The following CLDN10 variants were observed in gnomAD, a reference collection of about 807,000 sequenced individuals.
CLDN10 encodes the protein claudin-10.
Under a neutral mutation model 22.9 loss-of-function variants are expected in CLDN10, and 15 were observed. The observed-to-expected ratio is 0.65, with a 90% CI of 0.44 to 1.01. The LOEUF (loss-of-function observed/expected upper bound fraction) is 1.01, where lower values mean the gene tolerates loss of function less well. CLDN10 is among the 50% of genes least tolerant of loss of function. The pLI, the probability that CLDN10 is intolerant of heterozygous loss-of-function variation, is 0.00. For synonymous variants in CLDN10, 114 were observed against 111.4 expected (o/e 1.02, Z -0.15); for missense variants, 247 against 287.8 (o/e 0.86, Z 1.03).
chr13:95,450,675 A>G (rs922139892), intron 1 of CLDN10, among the ~76,000 whole-genome samples: 5 of 152,174 alleles, frequency 3.3e-5, no homozygotes, highest in Admixed American at 6.5e-5. Context: ...CGCCCAGCCA[A>G]TGCAAAGTCC....
At chr13:95,501,043 A>G (rs9524987) in intron 1 of CLDN10, among the ~76,000 whole-genome samples, 1 of 151,658 alleles carries the variant, frequency 6.6e-6, no homozygotes, top group African/African-American at 2.4e-5. Context: ...TTTACAGAGT[A>G]TTACTCTGTC....
At chr13:95,544,823 C>T (rs548524567) in intron 1 of CLDN10, among the ~76,000 whole-genome samples, 1 of 151,900 alleles carries the variant, frequency 6.6e-6, no homozygotes, top group South Asian at 2.1e-4. Context: ...TCTGCCCAAG[C>T]TGGAGTGCAG....
chr13:95,505,345 A>G (rs1252669136), intron 1 of CLDN10, among the ~76,000 whole-genome samples: 4 of 152,206 alleles, frequency 2.6e-5, no homozygotes, highest in Non-Finnish European at 5.9e-5. Flanking sequence ...TTGCAGCCCC[A>G]TTGTTTACCC....
intron 1 of CLDN10, among the ~76,000 whole-genome samples, chr13:95,504,747 G>A (rs967133416): frequency 7.3e-5 from 11 of 151,440 alleles, no homozygotes; most frequent in African/African-American, 1.7e-4. Flanking sequence ...TATGTTGCCC[G>A]GGATGGTCTC....
At chr13:95,543,011 C>T (rs2043474783) in intron 1 of CLDN10, among the ~76,000 whole-genome samples, 2 of 152,006 alleles carry the variant, frequency 1.3e-5, no homozygotes, top group Admixed American at 1.3e-4. Flanking sequence ...GCAGGTGGAT[C>T]ACCTGAGGTC....
chr13:95,518,849 G>C (rs1185637779), intron 1 of CLDN10, among the ~76,000 whole-genome samples: 1 of 152,188 alleles, frequency 6.6e-6, no homozygotes. Context: ...TTGCAACATG[G>C]ACCCTAGGTA....
At chr13:95,479,792 G>A (rs1375556568) in intron 1 of CLDN10, 1 of 152,180 alleles carries the variant, frequency 6.6e-6, no homozygotes, top group Non-Finnish European at 1.5e-5. Flanking sequence ...AACCCACATT[G>A]GCTGGACAGC....
At chr13:95,496,370 T>TTG (rs1365564371) in intron 1 of CLDN10, among the ~76,000 whole-genome samples, 1 of 152,210 alleles carries the variant, frequency 6.6e-6, no homozygotes, top group Non-Finnish European at 1.5e-5. Context: ...CTGCAGGACT[T>TTG]TTCAGAGTCT....
chr13:95,505,218 T>A (rs1370723008), intron 1 of CLDN10, among the ~76,000 whole-genome samples: 1 of 152,196 alleles, frequency 6.6e-6, no homozygotes, highest in Non-Finnish European at 1.5e-5. Flanking sequence ...TGGTATCAGG[T>A]TCTGAGCGTC....
At chr13:95,573,034 G>T (rs916399166) in intron 3 of CLDN10, among the ~76,000 whole-genome samples, 1 of 152,194 alleles carries the variant, frequency 6.6e-6, no homozygotes, top group Non-Finnish European at 1.5e-5. Context: ...TGTAGCCCTG[G>T]CCAGCTCAAC....
chr13:95,542,927 G>A (rs941246437), intron 1 of CLDN10, among the ~76,000 whole-genome samples: 1 of 152,068 alleles, frequency 6.6e-6, no homozygotes, highest in Admixed American at 6.6e-5. Context: ...CAGTATATAT[G>A]GAGATGTAAA....
chr13:95,465,612 G>A (rs190793569), intron 1 of CLDN10, among the ~76,000 whole-genome samples: 6 of 152,298 alleles, frequency 3.9e-5, no homozygotes, highest in Non-Finnish European at 8.8e-5. Context: ...CGGCAAAGGA[G>A]AAATACACAC....
At chr13:95,478,843 C>T (rs923951152) in intron 1 of CLDN10, among the ~76,000 whole-genome samples, 1 of 152,206 alleles carries the variant, frequency 6.6e-6, no homozygotes, top group African/African-American at 2.4e-5. Flanking sequence ...AGCATCTTCG[C>T]CATGTGACTT....
chr13:95,524,865 A>AT (rs1193360903), intron 1 of CLDN10, among the ~76,000 whole-genome samples: 1,561 of 130,764 alleles, frequency 0.012, 21 homozygotes, highest in Middle Eastern at 0.054. Context: ...ATTTATTTTT[A>AT]TTTTTTTTTT....
At chr13:95,447,820 C>A (rs868092094) in intron 1 of CLDN10, among the ~76,000 whole-genome samples, 4 of 151,982 alleles carry the variant, frequency 2.6e-5, no homozygotes, top group South Asian at 4.1e-4. Context: ...CCTAGTGGCT[C>A]CCTCTATTCC....
At chr13:95,529,871 C>G (rs4540944) in intron 1 of CLDN10, among the ~76,000 whole-genome samples, 82,752 of 151,862 alleles carry the variant, frequency 0.54, 24,092 homozygotes, top group Admixed American at 0.63. Context: ...TAGATGTGAA[C>G]AGTTGGTACT....
intron 1 of CLDN10, among the ~76,000 whole-genome samples, chr13:95,484,904 G>A (rs1251502192): frequency 6.8e-6 from 1 of 146,190 alleles, no homozygotes; most frequent in Non-Finnish European, 1.5e-5. Context: ...AAGAAGCAGA[G>A]TGCAATACAA....
intron 1 of CLDN10, among the ~76,000 whole-genome samples, chr13:95,456,708 C>T (rs2042485192): frequency 6.6e-6 from 1 of 152,168 alleles, no homozygotes; most frequent in Non-Finnish European, 1.5e-5. Context: ...AGTGAACTGT[C>T]ATCATGCCAC....
chr13:95,493,195 G>A (rs939023126), intron 1 of CLDN10, among the ~76,000 whole-genome samples: 5 of 152,028 alleles, frequency 3.3e-5, no homozygotes, highest in South Asian at 4.1e-4. Flanking sequence ...TGCCGCTACC[G>A]CCAAGCCAGT....
Sources: gnomAD v4.1 joint callset for allele counts (sites outside exome capture counted in the v4.1 genomes callset) on GRCh38, gnomAD v4.1.1 for gene constraint, MANE v1.5 for transcripts, NCBI Gene and HGNC (gene_info 2026-07-23, HGNC 2026-07-21) for gene names.